Variants in TBC1D5 observed in about 807,000 individuals in gnomAD.
The protein encoded by TBC1D5 is TBC1 domain family member 5, also known as TBC1 domain family, member 5.
TBC1D5 carries 75 observed loss-of-function variants against 100.3 expected under a neutral mutation model. That is an observed-to-expected ratio of 0.75 (90% CI 0.62 to 0.91). The LOEUF (loss-of-function observed/expected upper bound fraction) is 0.91, where lower values mean the gene tolerates loss of function less well. Ranked by LOEUF, TBC1D5 falls within the 40% of genes least tolerant of loss-of-function variation. TBC1D5 has a pLI of 0.00. For synonymous variants in TBC1D5, 323 were observed against 325.6 expected, an observed-to-expected ratio of 0.99 and a Z score of 0.09; for missense variants, 910 against 942.4, an observed-to-expected ratio of 0.97 and a Z score of 0.45.
intron 16 of TBC1D5, among the ~76,000 whole-genome samples, chr3:17,240,371 A>G (rs1368490229): frequency 6.6e-6 from 1 of 152,212 alleles, no homozygotes; most frequent in Non-Finnish European, 1.5e-5. Flanking sequence ...TCTTTAAAGA[A>G]CTGAGCTATG....
chr3:17,648,884 G>A (rs1171734911), intron 1 of TBC1D5, among the ~76,000 whole-genome samples: 1 of 152,174 alleles, frequency 6.6e-6, no homozygotes, highest in Non-Finnish European at 1.5e-5. Flanking sequence ...TGGTGGGAAT[G>A]TACATTAGTT....
At chr3:17,283,910 T>C (rs1297430077) in intron 15 of TBC1D5, among the ~76,000 whole-genome samples, 2 of 152,120 alleles carry the variant, frequency 1.3e-5, no homozygotes, top group African/African-American at 2.4e-5. Flanking sequence ...TTTTCTGCTT[T>C]CGAGCTTTTG....
At chr3:17,188,174 C>A (rs138220322) in intron 18 of TBC1D5, among the ~76,000 whole-genome samples, 1 of 152,082 alleles carries the variant, frequency 6.6e-6, no homozygotes, top group Non-Finnish European at 1.5e-5. Flanking sequence ...ATAAAGACTG[C>A]GATGAGACTG....
chr3:17,172,968 G>A (rs146098150), intron 19 of TBC1D5, among the ~76,000 whole-genome samples: 32 of 152,220 alleles, frequency 2.1e-4, no homozygotes, highest in African/African-American at 7.7e-4. Context: ...TGCCTGAGGG[G>A]TAATAACAGC....
At chr3:17,600,390 G>T (rs1193556633) in intron 2 of TBC1D5, among the ~76,000 whole-genome samples, 1 of 152,092 alleles carries the variant, frequency 6.6e-6, no homozygotes, top group African/African-American at 2.4e-5. Context: ...CAGTCTGTCT[G>T]CTAGCTCAAT....
chr3:17,727,978 G>C (rs780104236), intron 1 of TBC1D5, among the ~76,000 whole-genome samples: 1 of 152,078 alleles, frequency 6.6e-6, no homozygotes, highest in East Asian at 1.9e-4. Context: ...ACAATATTTT[G>C]ATACTAGAAA....
intron 7 of TBC1D5, among the ~76,000 whole-genome samples, chr3:17,403,724 T>G (rs2093700421): frequency 1.3e-5 from 2 of 152,126 alleles, no homozygotes. Context: ...ATAAGAAACT[T>G]CATCATCTGC....
intron 8 of TBC1D5, among the ~76,000 whole-genome samples, 188 bp from the exon 9 acceptor site, chr3:17,384,203 G>A (rs1204884662): frequency 6.6e-6 from 1 of 151,914 alleles, no homozygotes; most frequent in East Asian, 1.9e-4. Context: ...ACATCCCAGA[G>A]GTAAATTACA....
At chr3:17,367,585 G>A (rs752898447) in intron 13 of TBC1D5, among the ~76,000 whole-genome samples, 4 of 152,104 alleles carry the variant, frequency 2.6e-5, no homozygotes, top group Non-Finnish European at 4.4e-5. Context: ...TAGGCTGGGC[G>A]CAGTGGCTCA....
At chr3:17,548,611 T>C (rs987235034) in intron 2 of TBC1D5, among the ~76,000 whole-genome samples, 1 of 152,174 alleles carries the variant, frequency 6.6e-6, no homozygotes, top group Admixed American at 6.5e-5. Context: ...GTAGCTACTG[T>C]TGAGGGGAGA....
intron 2 of TBC1D5, among the ~76,000 whole-genome samples, chr3:17,596,700 C>CAA (rs34625799): frequency 0.072 from 3,206 of 44,414 alleles, 217 homozygotes; most frequent in African/African-American, 0.22. Flanking sequence ...GACTCCATCT[C>CAA]AAAAAAAAAA....
At chr3:17,616,482 G>A (rs1158562915) in intron 2 of TBC1D5, among the ~76,000 whole-genome samples, 1 of 152,090 alleles carries the variant, frequency 6.6e-6, no homozygotes, top group Non-Finnish European at 1.5e-5. Flanking sequence ...AATACTGACA[G>A]TGGAATGTTA....
intron 13 of TBC1D5, among the ~76,000 whole-genome samples, chr3:17,349,778 C>T (rs1334886556): frequency 2.0e-5 from 3 of 152,074 alleles, no homozygotes; most frequent in Admixed American, 6.6e-5. Context: ...ATGAGTTAAT[C>T]GCACCAAGAG....
chr3:17,618,277 T>A lies in TBC1D5; in HGVS notation c.-36+5572A>T, dbSNP rs1205863680. 2.0e-5 allele frequency among the ~76,000 whole-genome samples: 3 copies of A among 152,130 alleles called. No homozygotes were observed. In the East Asian group the frequency reaches 5.8e-4, roughly 29 times the overall value. ...CCTGATCCTTCCTCTGGAAGCTTCATCCCAGAGGGGCACCCGCCTGTATGA... is the reference window on the plus strand; with the variant it reads ...CCTGATCCTTCCTCTGGAAGCTTCAACCCAGAGGGGCACCCGCCTGTATGA... On this transcript the variant is annotated intron_variant, in intron 2 of 21. Transcript: ENST00000253692.
chr3:17,453,079 T>TAAAAAAAAAAA (rs570210975), intron 3 of TBC1D5, among the ~76,000 whole-genome samples: 1 of 81,904 alleles, frequency 1.2e-5, no homozygotes, highest in East Asian at 3.6e-4. Flanking sequence ...AATGAAGAAA[T>TAAAAAAAAAAA]AAAAAAAAAA....
At chr3:17,705,179 G>A (rs2073913162) in intron 1 of TBC1D5, among the ~76,000 whole-genome samples, 3 of 94,366 alleles carry the variant, frequency 3.2e-5, no homozygotes, top group Non-Finnish European at 4.6e-5. Context: ...CGGACGGCAC[G>A]GCTGGCCAGG....
chr3:17,704,583 G>T (rs1244502612), intron 1 of TBC1D5, among the ~76,000 whole-genome samples: 4 of 79,658 alleles, frequency 5.0e-5, no homozygotes, highest in Admixed American at 1.4e-4. Context: ...CGGACGGGGC[G>T]GCTGGCCGGG....
At chr3:17,190,863 G>C (rs1448777039) in intron 18 of TBC1D5, among the ~76,000 whole-genome samples, 2 of 152,148 alleles carry the variant, frequency 1.3e-5, no homozygotes, top group African/African-American at 4.8e-5. Context: ...ATAGCAACCA[G>C]AAGACAGGAA....
At chr3:17,220,995 T>C (rs1477258617) in intron 17 of TBC1D5, among the ~76,000 whole-genome samples, 1 of 152,186 alleles carries the variant, frequency 6.6e-6, no homozygotes, top group Non-Finnish European at 1.5e-5. Flanking sequence ...TTAAAGGAAT[T>C]GCTGTAATGA....
Sources: gnomAD v4.1 joint callset for allele counts (sites outside exome capture counted in the v4.1 genomes callset) on GRCh38, gnomAD v4.1.1 for gene constraint, MANE v1.5 for transcripts, NCBI Gene and HGNC (gene_info 2026-07-23, HGNC 2026-07-21) for gene names.